CD96: variants seen among roughly 807,000 people sequenced by gnomAD.
The protein encoded by CD96 is T-cell surface protein tactile.
In CD96, 70 loss-of-function variants were observed where a neutral mutation model predicts 71.3. The ratio of observed to expected loss-of-function variants is 0.98; its 90% confidence interval spans 0.81 to 1.20. CD96 has a LOEUF of 1.20. CD96 is among the 50% of genes most tolerant of loss of function. CD96 has a pLI of 0.00. For missense variants in CD96, 742 were observed against 677.5 expected (o/e 1.10, Z -1.06); for synonymous variants, 248 against 233.0 (o/e 1.06, Z -0.59).
downstream of CD96, among the ~76,000 whole-genome samples, chr3:111,654,102 G>A (rs1050683215): frequency 6.6e-6 from 1 of 152,140 alleles, no homozygotes; most frequent in African/African-American, 2.4e-5. Context: ...GAACCTGAAG[G>A]TTGAATCTTC....
chr3:111,661,127 C>T (rs1482040683), intron 14 of CD96, among the ~76,000 whole-genome samples: 5 of 152,164 alleles, frequency 3.3e-5, no homozygotes, highest in African/African-American at 1.2e-4. Context: ...CATGTCTTCA[C>T]ATGGCGGCAG....
At chr3:111,591,371 TAAAAA>T (rs3082283) in intron 5 of CD96, among the ~76,000 whole-genome samples, 3 of 88,108 alleles carry the variant, frequency 3.4e-5, no homozygotes, top group Admixed American at 1.5e-4. Flanking sequence ...GACTCCATCT[TAAAAA>T]AAAAAAAAAA....
At chr3:111,577,306 C>T (rs544307360) in intron 3 of CD96, among the ~76,000 whole-genome samples, 2 of 152,270 alleles carry the variant, frequency 1.3e-5, no homozygotes, top group East Asian at 3.9e-4. Flanking sequence ...AAGCAAGAGG[C>T]TGCCAAACGT....
At position 111,624,356 on chromosome 3, in the gene CD96, C is replaced by T. The variant is rs201691670; in HGVS notation, c.1273C>T (p.Arg425Ter). 153 of 1,611,908 alleles carry T rather than the reference C, an allele frequency of 9.5e-5. No individual in the cohort carries two copies. Among genetic ancestry groups the T allele is most frequent in the Admixed American group, 2.3e-4 (14 of 60,012 alleles). Reference sequence around the variant, plus strand: ...AGCCAGCAATTCCAGTATGACTACCCGAGGCTTCAACTATCCCTGGACCTC... The same window carrying T: ...AGCCAGCAATTCCAGTATGACTACCTGAGGCTTCAACTATCCCTGGACCTC... Reference protein sequence around the residue: ...PQPSNSSMTTRGFNYPWTSSG... With the variant: ...PQPSNSSMTT Residue 425 changes from arginine to a stop codon, truncating the protein, a stop_gained, in exon 10 of 14, where the codon CGA (arginine) becomes TGA (stop). Transcript: ENST00000352690. LOFTEE classifies it high-confidence loss of function.
Position 111,600,712 on chromosome 3 carries a change from T to C in CD96, c.899-14T>C. 1 of 1,588,498 alleles carries C rather than the reference T, an allele frequency of 6.3e-7. No homozygotes were observed. The highest frequency in any genetic ancestry group is 8.6e-7 in the Non-Finnish European group (1 of 1,156,770). On this transcript the variant is annotated splice_polypyrimidine_tract_variant and intron_variant, in intron 6 of 13. Coordinates refer to ENST00000352690, the MANE Select transcript of CD96 (RefSeq NM_005816.5). ...AAATGTTAGTGTTGAACCATGTTCGTATCTGTCTGGCAGGAATATATATTA... is the reference window on the plus strand; with the variant it reads ...AAATGTTAGTGTTGAACCATGTTCGCATCTGTCTGGCAGGAATATATATTA...
chr3:111,659,359 T>A (rs764580018), intron 14 of CD96, among the ~76,000 whole-genome samples: 1 of 152,186 alleles, frequency 6.6e-6, no homozygotes, highest in Non-Finnish European at 1.5e-5. Context: ...GCATCTCAAC[T>A]TCATTAAGCT....
At chr3:111,587,891 T>G (rs1050635808) in intron 5 of CD96, among the ~76,000 whole-genome samples, 1 of 152,200 alleles carries the variant, frequency 6.6e-6, no homozygotes, top group Non-Finnish European at 1.5e-5. Flanking sequence ...GTCCCAAGAC[T>G]GCGCACAGCA....
At chr3:111,626,283 G>A (rs1004793969) in intron 10 of CD96, among the ~76,000 whole-genome samples, 2 of 135,118 alleles carry the variant, frequency 1.5e-5, no homozygotes, top group Non-Finnish European at 3.1e-5. Context: ...CTCCAGCCTG[G>A]GTGACAGAGT....
intron 3 of CD96, chr3:111,577,536 C>T: frequency 6.2e-7 from 1 of 1,603,312 alleles, no homozygotes; most frequent in East Asian, 2.2e-5. Context: ...GTCCTTCTTT[C>T]TAAGGGTATA....
At chr3:111,583,460 A>T (rs963460802) in intron 4 of CD96, among the ~76,000 whole-genome samples, 1 of 152,180 alleles carries the variant, frequency 6.6e-6, no homozygotes, top group African/African-American at 2.4e-5. Flanking sequence ...TCAGTGCCCC[A>T]TTAGGGACTC....
At chr3:111,614,733 T>G (rs531897871) in intron 8 of CD96, among the ~76,000 whole-genome samples, 1 of 152,306 alleles carries the variant, frequency 6.6e-6, no homozygotes, top group African/African-American at 2.4e-5. Context: ...CCATGCCCAT[T>G]CAGAGCCACT....
intron 10 of CD96, 121 bp downstream of exon 10, chr3:111,624,525 T>G: frequency 1.4e-6 from 1 of 724,772 alleles, no homozygotes; most frequent in Non-Finnish European, 2.5e-6. Flanking sequence ...ACAAAGCATC[T>G]ATCATGTTTA....
intron 3 of CD96, among the ~76,000 whole-genome samples, chr3:111,574,965 T>G (rs910762511): frequency 1.4e-5 from 2 of 139,898 alleles, no homozygotes; most frequent in Non-Finnish European, 3.1e-5. Flanking sequence ...TTTTTTTTTT[T>G]GTATTTTTAG....
intron 12 of CD96, among the ~76,000 whole-genome samples, chr3:111,640,590 C>T (rs531781858): frequency 1.3e-5 from 2 of 152,242 alleles, no homozygotes; most frequent in Admixed American, 6.5e-5. Flanking sequence ...GAAAACTTCC[C>T]CAGCCTCGTG....
chr3:111,590,938 C>T (rs17202775), intron 5 of CD96, among the ~76,000 whole-genome samples: 7,640 of 152,182 alleles, frequency 0.05, 259 homozygotes, highest in South Asian at 0.099. Context: ...GTTCATATCA[C>T]TCGCTACCTT....
chr3:111,620,404 C>G (rs1938461823), intron 8 of CD96, among the ~76,000 whole-genome samples: 2 of 152,126 alleles, frequency 1.3e-5, no homozygotes, highest in African/African-American at 4.8e-5. Flanking sequence ...GAGATCAGGT[C>G]ATGGAATGTG....
At chr3:111,634,333 C>G (rs965908874) in intron 10 of CD96, 3 of 152,062 alleles carry the variant, frequency 2.0e-5, no homozygotes, top group African/African-American at 7.2e-5. Context: ...TTAAAGAAAT[C>G]GTGGAAGAAT....
chr3:111,563,822 T>A (rs1292771043), intron 2 of CD96, among the ~76,000 whole-genome samples: 1 of 152,228 alleles, frequency 6.6e-6, no homozygotes, highest in Non-Finnish European at 1.5e-5. Context: ...TGTAAATGCA[T>A]CTCCAGTTTG....
At chr3:111,583,262 G>C (rs1936552166) in intron 4 of CD96, among the ~76,000 whole-genome samples, 1 of 152,218 alleles carries the variant, frequency 6.6e-6, no homozygotes, top group East Asian at 1.9e-4. Context: ...ACAGATGCAA[G>C]AGGTAGGTTC....
Sources: allele counts gnomAD v4.1 joint callset (sites outside exome capture counted in the v4.1 genomes callset), GRCh38; gene constraint gnomAD v4.1.1; transcripts MANE v1.5; gene names NCBI Gene and HGNC (gene_info 2026-07-23, HGNC 2026-07-21).